NIPBL: variants seen among roughly 807,000 people sequenced by gnomAD.
NIPBL encodes nipped-B-like protein.
NIPBL carries 19 observed loss-of-function variants against 321.8 expected under a neutral mutation model. That is an observed-to-expected ratio of 0.06 (90% CI 0.04 to 0.09). NIPBL has a LOEUF of 0.09. NIPBL is among the 10% of genes least tolerant of loss of function. NIPBL has a pLI of 1.00. For missense variants in NIPBL, 2,210 were observed against 3,327.0 expected (o/e 0.66, Z 8.26); for synonymous variants, 1,106 against 1,114.1 (o/e 0.99, Z 0.14).
At chr5:36,926,052 A>G (rs1749338326) in intron 1 of NIPBL, among the ~76,000 whole-genome samples, 1 of 152,202 alleles carries the variant, frequency 6.6e-6, no homozygotes, top group South Asian at 2.1e-4. Flanking sequence ...TACCATGGCA[A>G]TACCTTCCTG....
intron 1 of NIPBL, among the ~76,000 whole-genome samples, chr5:36,917,431 TG>T (rs1159916930): frequency 6.6e-6 from 1 of 152,246 alleles, no homozygotes; most frequent in East Asian, 1.9e-4. Flanking sequence ...TCTCCCATTC[TG>T]TAGGTTGCCT....
At chr5:36,919,927 T>A (rs1561386729) in intron 1 of NIPBL, among the ~76,000 whole-genome samples, 1 of 152,114 alleles carries the variant, frequency 6.6e-6, no homozygotes, top group Non-Finnish European at 1.5e-5. Flanking sequence ...CTTTTAAACT[T>A]GTTGTCAGGT....
At chr5:36,943,933 T>C (rs1561059183) in intron 1 of NIPBL, among the ~76,000 whole-genome samples, 2 of 152,122 alleles carry the variant, frequency 1.3e-5, no homozygotes, top group African/African-American at 4.8e-5. Flanking sequence ...GCAATTTTAA[T>C]GTAATTGCTA....
chr5:36,884,036 A>G (rs575801992), intron 1 of NIPBL, among the ~76,000 whole-genome samples: 2 of 152,232 alleles, frequency 1.3e-5, no homozygotes, highest in South Asian at 2.1e-4. Flanking sequence ...CCCTTTAAGA[A>G]AAGAATTTGG....
intron 1 of NIPBL, among the ~76,000 whole-genome samples, chr5:36,924,669 T>C (rs1749213617): frequency 6.6e-6 from 1 of 152,190 alleles, no homozygotes; most frequent in Non-Finnish European, 1.5e-5. Context: ...AATGATGATA[T>C]GAATGTAAAG....
At chr5:37,031,675 T>C (rs924066065) in intron 32 of NIPBL, among the ~76,000 whole-genome samples, 1 of 152,224 alleles carries the variant, frequency 6.6e-6, no homozygotes, top group Non-Finnish European at 1.5e-5. Flanking sequence ...GCAAGATCTT[T>C]CCGAGTTTAC....
chr5:37,029,546 T>G (rs571679966), intron 32 of NIPBL, among the ~76,000 whole-genome samples: 1 of 152,304 alleles, frequency 6.6e-6, no homozygotes, highest in Admixed American at 6.5e-5. Flanking sequence ...TAAGGTTTTG[T>G]GTAGATGTAT....
chr5:36,942,939 C>G (rs1292485146), intron 1 of NIPBL, among the ~76,000 whole-genome samples: 1 of 152,032 alleles, frequency 6.6e-6, no homozygotes, highest in Non-Finnish European at 1.5e-5. Flanking sequence ...GCTAACCTCA[C>G]TGTGAGACTG....
Position 37,024,668 on chromosome 5 carries a change from A to G in NIPBL, c.5658A>G (p.Thr1886=). The G allele has an allele frequency of 1.2e-6, 2 of 1,611,568 alleles. No homozygotes were observed. The highest frequency in any genetic ancestry group is 1.7e-6 in the Non-Finnish European group (2 of 1,178,110). ...AACAACCAACATTTCCAAAAATCAC[A>G]GAAATGTGTGTAAAAATGATTCGCA... ...CIEQPTFPKI[T]EMCVKMIRRV... Residue 1886 remains threonine, a synonymous_variant, in exon 30 of 47, where the codon ACA becomes ACG. Transcript: ENST00000282516.
At chr5:37,038,204 G>T (rs561065206) in intron 33 of NIPBL, among the ~76,000 whole-genome samples, 27 of 152,112 alleles carry the variant, frequency 1.8e-4, no homozygotes, top group African/African-American at 6.5e-4. Context: ...TGTCCAGGCT[G>T]ATCTCAGATT....
rs372139946 is a variant in NIPBL at position 37,049,193 on chromosome 5, T to C, written c.6846T>C (p.Tyr2282=). The C allele has an allele frequency of 3.1e-6, 5 of 1,614,062 alleles. No individual in the cohort carries two copies. The highest frequency in any genetic ancestry group is 4.2e-6 in the Non-Finnish European group (5 of 1,180,012). ...SGMSSSIMQL[Y]LKQVLEAFFH... ...TGAGTAGTTCCATCATGCAGCTTTA[T>C]CTCAAACAGGTGCTTGAGGCATTTT... Residue 2282 remains tyrosine (Y), a synonymous_variant, in exon 40 of 47, where the codon TAT becomes TAC. Transcript: ENST00000282516.
chr5:36,960,772 A>G (rs555421167), intron 4 of NIPBL, among the ~76,000 whole-genome samples: 26 of 152,164 alleles, frequency 1.7e-4, no homozygotes, highest in Non-Finnish European at 3.7e-4. Flanking sequence ...AAATAAGTGA[A>G]TTTTTCTGTG....
chr5:36,902,040 G>C (rs1165844170), intron 1 of NIPBL, among the ~76,000 whole-genome samples: 9 of 151,696 alleles, frequency 5.9e-5, no homozygotes, highest in Non-Finnish European at 1.3e-4. Flanking sequence ...ATGCTTATTG[G>C]CGGTATGTAT....
At chr5:37,032,574 A>C (rs1020008379) in intron 32 of NIPBL, among the ~76,000 whole-genome samples, 9 of 152,000 alleles carry the variant, frequency 5.9e-5, no homozygotes, top group Non-Finnish European at 1.0e-4. Context: ...GTTTTAGACC[A>C]ACCTGGACAA....
chr5:36,993,080 G>A (rs1385202025), intron 10 of NIPBL, among the ~76,000 whole-genome samples: 1 of 152,088 alleles, frequency 6.6e-6, no homozygotes, highest in Non-Finnish European at 1.5e-5. Context: ...ACCTGGCGGA[G>A]TCCATTTATA....
chr5:36,917,124 G>GA (rs1748523606), intron 1 of NIPBL, among the ~76,000 whole-genome samples: 1 of 152,142 alleles, frequency 6.6e-6, no homozygotes, highest in South Asian at 2.1e-4. Context: ...CCAACAGTGT[G>GA]AAAGTGTTCC....
rs150901389 is a variant in NIPBL at position 37,004,926 on chromosome 5, G to A, written c.3856-1431G>A. On this transcript the variant is annotated intron_variant, in intron 16 of 46. Coordinates refer to ENST00000282516, the MANE Select transcript of NIPBL (RefSeq NM_133433.4). ...ATCTTATGAGGGAAATGCTCTTGGT[G>A]TTTACAAAAGCCACAGGATTGCTAG... Among the ~76,000 whole-genome samples the A allele has an allele frequency of 2.0e-5, 3 of 152,242 alleles. No individual in the cohort carries two copies. In the East Asian group the frequency reaches 5.8e-4, roughly 29 times the overall value.
Position 36,985,308 on chromosome 5 carries a change from C to A in NIPBL, c.2128C>A (p.Arg710=). Residue 710 remains arginine, a synonymous_variant, in exon 10 of 47, where the codon CGG becomes AGG. Coordinates refer to ENST00000282516, the MANE Select transcript of NIPBL (RefSeq NM_133433.4). ...AACCCCAAAGCAAAAGGGTGAAAGC[C>A]GGCCTGAGACTCCAAAACAAAAGAG... The part of the protein sequence containing the change: ...PETPKQKGES[R]PETPKQKSDG... 1 of 1,613,560 alleles carries A rather than the reference C, an allele frequency of 6.2e-7. No homozygotes were observed.
At chr5:36,999,420 C>T (rs953393274) in intron 11 of NIPBL, among the ~76,000 whole-genome samples, 1 of 152,212 alleles carries the variant, frequency 6.6e-6, no homozygotes. Context: ...GTGGTACCTA[C>T]TGCATCCTAG....
Sources: gnomAD v4.1 joint callset for allele counts (sites outside exome capture counted in the v4.1 genomes callset) on GRCh38, gnomAD v4.1.1 for gene constraint, MANE v1.5 for transcripts, NCBI Gene and HGNC (gene_info 2026-07-23, HGNC 2026-07-21) for gene names.